Variants in AUTS2 observed in about 807,000 individuals in gnomAD.
AUTS2 encodes autism susceptibility gene 2 protein.
AUTS2 carries 17 observed loss-of-function variants against 112.4 expected under a neutral mutation model. The ratio of observed to expected loss-of-function variants is 0.15; its 90% CI spans 0.10 to 0.23. AUTS2 has a LOEUF of 0.23. Ranked by LOEUF, AUTS2 falls within the 10% of genes least tolerant of loss-of-function variation. AUTS2 has a pLI of 1.00. For synonymous variants in AUTS2, 751 were observed against 702.7 expected, an observed-to-expected ratio of 1.07 and a Z score of -1.09; for missense variants, 1,510 against 1,701.6, an observed-to-expected ratio of 0.89 and a Z score of 1.98.
chr7:70,409,673 T>G (rs1324433649), intron 4 of AUTS2, among the ~76,000 whole-genome samples: 7 of 152,204 alleles, frequency 4.6e-5, no homozygotes. Flanking sequence ...AAATCTTAAC[T>G]GCCTTAGCCT....
At chr7:70,039,551 A>G (rs1304815760) in intron 2 of AUTS2, among the ~76,000 whole-genome samples, 2 of 151,866 alleles carry the variant, frequency 1.3e-5, no homozygotes, top group African/African-American at 2.4e-5. Flanking sequence ...GGGTTTTGCC[A>G]TGTTGGCCAG....
At chr7:69,884,766 A>G (rs1794201056) in intron 1 of AUTS2, among the ~76,000 whole-genome samples, 1 of 152,184 alleles carries the variant, frequency 6.6e-6, no homozygotes, top group Non-Finnish European at 1.5e-5. Context: ...GCAAACTGAC[A>G]CTGCCTTTCA....
intron 2 of AUTS2, among the ~76,000 whole-genome samples, chr7:69,971,524 T>C (rs1319301446): frequency 6.6e-6 from 1 of 152,184 alleles, no homozygotes; most frequent in African/African-American, 2.4e-5. Context: ...AACAAGGATA[T>C]TGACATCAGT....
intron 4 of AUTS2, among the ~76,000 whole-genome samples, chr7:70,226,247 G>A (rs538434302): frequency 2.8e-4 from 42 of 151,976 alleles, no homozygotes; most frequent in Non-Finnish European, 5.6e-4. Context: ...GAGTACAGTA[G>A]AGCAATCTTG....
At chr7:70,777,284 T>C (rs1790768132) in intron 14 of AUTS2, 110 bp downstream of exon 14, 2 of 967,960 alleles carry the variant, frequency 2.1e-6, no homozygotes, top group Non-Finnish European at 3.3e-6. Flanking sequence ...TACAGACCCA[T>C]AGTTAGGAAG....
rs573016009 is a variant in AUTS2, at chr7:69,604,075, G to C, written c.309+4113G>C. Among the ~76,000 whole-genome samples, 4 of 152,298 alleles carry C rather than the reference G, an allele frequency of 2.6e-5. No individual in the cohort carries two copies. The East Asian group carries it at 7.7e-4, about 29-fold the overall frequency. ...TGAAATTTGTGGAATTAGCAGAAAA[G>C]AGGCCAATTGGAGCTTTATAGGCTT... On this transcript the variant is annotated intron_variant, in intron 1 of 18. Transcript: ENST00000342771.
chr7:69,747,784 GGTGT>G lies in AUTS2; in HGVS notation c.309+147851_309+147854del, dbSNP rs10695531. ...TGTGACAGACAGAGAGAAGGAGAGGGGTGTGTGTGTGTGTGTGTGTGTGTGTGTG... is the reference window on the plus strand; with the variant it reads ...TGTGACAGACAGAGAGAAGGAGAGGGGTGTGTGTGTGTGTGTGTGTGTGTG... On this transcript the variant is annotated intron_variant, in intron 1 of 18. Coordinates refer to ENST00000342771, the MANE Select transcript of AUTS2 (RefSeq NM_015570.4). 1.1e-3 allele frequency among the ~76,000 whole-genome samples: 158 copies of G among 144,594 alleles called. 2 individuals carry two copies. The highest frequency in any genetic ancestry group is 4.6e-3 in the Admixed American group (67 of 14,478). The allele number at this position is 144,594 out of a possible 152,430, so 94.9% of individuals were successfully genotyped here. A position where few individuals can be genotyped will look rare whatever the true frequency, so the allele number is the denominator to read the frequency against.
At chr7:70,160,368 T>G (rs1808010672) in intron 4 of AUTS2, among the ~76,000 whole-genome samples, 1 of 152,198 alleles carries the variant, frequency 6.6e-6, no homozygotes, top group South Asian at 2.1e-4. Context: ...CGTAAATCTT[T>G]CTGCTCACTT....
chr7:70,007,858 T>C (rs1421249768), intron 2 of AUTS2, among the ~76,000 whole-genome samples: 1 of 152,212 alleles, frequency 6.6e-6, no homozygotes, highest in Non-Finnish European at 1.5e-5. Context: ...TTTTCAGTCA[T>C]GAGAGTACTT....
intron 5 of AUTS2, among the ~76,000 whole-genome samples, chr7:70,513,808 C>T (rs530978245): frequency 1.3e-4 from 20 of 151,912 alleles, no homozygotes; most frequent in East Asian, 3.9e-4. Context: ...TACAGGTGTG[C>T]GCCACCATGC....
intron 1 of AUTS2, among the ~76,000 whole-genome samples, chr7:69,791,199 T>C (rs1043398323): frequency 3.3e-5 from 5 of 152,228 alleles, no homozygotes; most frequent in South Asian, 2.1e-4. Flanking sequence ...AATCTTTTTG[T>C]GTTCCCTCGA....
At chr7:70,495,993 T>TACAC (rs2116510969) in intron 5 of AUTS2, among the ~76,000 whole-genome samples, 1 of 39,688 alleles carries the variant, frequency 2.5e-5, no homozygotes, top group South Asian at 9.1e-4. Context: ...ACACCACTCA[T>TACAC]ACCACATACA....
At chr7:70,444,186 T>C (rs1796225436) in intron 5 of AUTS2, among the ~76,000 whole-genome samples, 1 of 152,106 alleles carries the variant, frequency 6.6e-6, no homozygotes, top group South Asian at 2.1e-4. Context: ...GCAGAGGCAT[T>C]TGTACAGGTG....
intron 6 of AUTS2, among the ~76,000 whole-genome samples, chr7:70,749,729 G>C (rs1475691676): frequency 6.6e-6 from 1 of 152,128 alleles, no homozygotes; most frequent in Non-Finnish European, 1.5e-5. Context: ...TTGAGGAGAA[G>C]TTTTGTCTTC....
intron 5 of AUTS2, among the ~76,000 whole-genome samples, chr7:70,668,185 G>A (rs1021362861): frequency 6.6e-6 from 1 of 152,164 alleles, no homozygotes; most frequent in African/African-American, 2.4e-5. Context: ...CACCATGTTG[G>A]CTAGGCTGGT....
intron 4 of AUTS2, among the ~76,000 whole-genome samples, chr7:70,312,669 C>G (rs1789814679): frequency 6.6e-6 from 1 of 152,170 alleles, no homozygotes; most frequent in Non-Finnish European, 1.5e-5. Context: ...TGGCCCCACA[C>G]CAGGACCAGT....
At chr7:70,362,139 A>G (rs1792297363) in intron 4 of AUTS2, among the ~76,000 whole-genome samples, 1 of 152,192 alleles carries the variant, frequency 6.6e-6, no homozygotes, top group Admixed American at 6.5e-5. Flanking sequence ...GTCACTTACT[A>G]CTTCCATCAG....
chr7:69,605,652 A>G (rs1792678064), intron 1 of AUTS2, among the ~76,000 whole-genome samples: 1 of 152,232 alleles, frequency 6.6e-6, no homozygotes, highest in Non-Finnish European at 1.5e-5. Flanking sequence ...CTGTATATGA[A>G]GTGGTAGTTC....
chr7:69,836,831 G>T (rs540814558), intron 1 of AUTS2, among the ~76,000 whole-genome samples: 1 of 152,140 alleles, frequency 6.6e-6, no homozygotes, highest in East Asian at 1.9e-4. Context: ...GGTATTGACC[G>T]CTATAGTGTG....
Sources: allele counts gnomAD v4.1 joint callset (sites outside exome capture counted in the v4.1 genomes callset), GRCh38; gene constraint gnomAD v4.1.1; transcripts MANE v1.5; gene names NCBI Gene and HGNC (gene_info 2026-07-23, HGNC 2026-07-21).